The following ABCC9 variants were observed in gnomAD, a reference collection of about 807,000 sequenced individuals.
ABCC9 encodes ATP binding cassette subfamily C member 9.
A neutral mutation model predicts 188.3 loss-of-function variants in ABCC9; 95 were observed. That is an observed-to-expected ratio of 0.50 (90% CI 0.43 to 0.60). The LOEUF is 0.60. Among genes scored for constraint, ABCC9 ranks in the 20% least tolerant of loss-of-function variants. ABCC9 has a pLI of 0.00. For synonymous variants in ABCC9, 659 were observed against 652.7 expected, an observed-to-expected ratio of 1.01 and a Z score of -0.15; for missense variants, 1,102 against 1,876.3, an observed-to-expected ratio of 0.59 and a Z score of 7.62.
chr12:21,928,003 C>T (rs913929631), intron 4 of ABCC9, among the ~76,000 whole-genome samples: 1 of 151,936 alleles, frequency 6.6e-6, no homozygotes, highest in African/African-American at 2.4e-5. Flanking sequence ...GCGGATCACT[C>T]GAGGCCGGGA....
intron 14 of ABCC9, among the ~76,000 whole-genome samples, chr12:21,889,260 T>C (rs1024969866): frequency 1.3e-5 from 2 of 152,158 alleles, no homozygotes; most frequent in African/African-American, 4.8e-5. Context: ...AGAGCTTCAG[T>C]TCATACACTT....
intron 4 of ABCC9, among the ~76,000 whole-genome samples, chr12:21,928,677 A>T (rs1440860846): frequency 1.3e-5 from 2 of 152,208 alleles, no homozygotes; most frequent in Non-Finnish European, 2.9e-5. Context: ...AACCATTATT[A>T]AAGGAAGCAA....
chr12:21,865,314 T>G (rs1314783630), intron 18 of ABCC9, among the ~76,000 whole-genome samples: 1 of 152,152 alleles, frequency 6.6e-6, no homozygotes, highest in African/African-American at 2.4e-5. Flanking sequence ...TTAGAGTTAC[T>G]AAGGATCATT....
chr12:21,933,650 C>T, intron 4 of ABCC9, 132 bp downstream of exon 4: 1 of 960,996 alleles, frequency 1.0e-6, no homozygotes, highest in Non-Finnish European at 1.6e-6. Context: ...GAACTTCCTG[C>T]AAGAGCTACA....
intron 4 of ABCC9, among the ~76,000 whole-genome samples, chr12:21,928,809 AT>A (rs1240874757): frequency 6.6e-6 from 1 of 152,028 alleles, no homozygotes; most frequent in Non-Finnish European, 1.5e-5. Flanking sequence ...GATTGCTGTT[AT>A]TTTGTTAGTT....
At chr12:21,819,827 GA>G (rs1299215319) in intron 31 of ABCC9, among the ~76,000 whole-genome samples, 1 of 151,456 alleles carries the variant, frequency 6.6e-6, no homozygotes, top group Non-Finnish European at 1.5e-5. Flanking sequence ...AAGATTAAAG[GA>G]AAAAAAATCA....
chr12:21,928,835 C>G (rs554651204), intron 4 of ABCC9, among the ~76,000 whole-genome samples: 2 of 152,204 alleles, frequency 1.3e-5, no homozygotes, highest in South Asian at 4.1e-4. Context: ...ATTTACAAAG[C>G]TGCGTAGGTT....
chr12:21,897,103 T>C (rs1347742484), intron 12 of ABCC9, among the ~76,000 whole-genome samples: 1 of 152,238 alleles, frequency 6.6e-6, no homozygotes, highest in Non-Finnish European at 1.5e-5. Flanking sequence ...GACTTTTTAA[T>C]AATTGCTATT....
chr12:21,827,663 C>T (rs530689061), intron 31 of ABCC9, among the ~76,000 whole-genome samples: 2 of 151,690 alleles, frequency 1.3e-5, no homozygotes, highest in Admixed American at 1.3e-4. Flanking sequence ...GTGATAAATC[C>T]TAAGTAACAC....
At chr12:21,806,695 C>CTGAAGTCAAATT (rs1203527545) in intron 38 of ABCC9, among the ~76,000 whole-genome samples, 2 of 152,102 alleles carry the variant, frequency 1.3e-5, no homozygotes, top group Non-Finnish European at 2.9e-5. Flanking sequence ...TGTGTCCTTT[C>CTGAAGTCAAATT]TGAAGTCAAA....
chr12:21,830,598 C>G (rs1387758637), intron 30 of ABCC9, among the ~76,000 whole-genome samples: 3 of 152,088 alleles, frequency 2.0e-5, no homozygotes, highest in African/African-American at 7.2e-5. Context: ...TTCATTTGGC[C>G]CACTGAAGTA....
Position 21,872,702 on chromosome 12 carries a change from T to A in ABCC9, c.2121A>T (p.Val707=), listed in dbSNP as rs765667189. 1 of 1,613,836 alleles carries A rather than the reference T, an allele frequency of 6.2e-7. No homozygotes were observed. The highest frequency in any genetic ancestry group is 1.1e-5 in the South Asian group (1 of 91,086). ...TGQLTMIVGQ[V]GCGKSSLLLA... ...GGAGAAGAGAGGACTTCCCACATCC[T>A]ACTTGGCCCACAATCATGGTTAACT... Residue 707 remains valine (V), a synonymous_variant, in exon 18 of 40, where the codon GTA becomes GTT. Coordinates refer to ENST00000261200, the MANE Select transcript of ABCC9 (RefSeq NM_020297.4).
chr12:21,907,715 A>G (rs1948110113), intron 11 of ABCC9, among the ~76,000 whole-genome samples: 1 of 151,986 alleles, frequency 6.6e-6, no homozygotes, highest in African/African-American at 2.4e-5. Context: ...TTGACCCTTC[A>G]CTTGCACCTT....
At chr12:21,832,289 C>T (rs369794517) in intron 30 of ABCC9, among the ~76,000 whole-genome samples, 12 of 152,214 alleles carry the variant, frequency 7.9e-5, no homozygotes, top group East Asian at 7.7e-4. Flanking sequence ...ACCCTCAATG[C>T]GGGGGAGGAA....
At chr12:21,807,285 T>C (rs1591934718) in intron 38 of ABCC9, 61 bp downstream of exon 38, 1 of 1,610,172 alleles carries the variant, frequency 6.2e-7, no homozygotes, top group Admixed American at 1.7e-5. Flanking sequence ...AATAATAAAT[T>C]GTAATTTTCA....
At chr12:21,931,046 A>T (rs1278463410) in intron 4 of ABCC9, among the ~76,000 whole-genome samples, 1 of 152,204 alleles carries the variant, frequency 6.6e-6, no homozygotes, top group East Asian at 1.9e-4. Flanking sequence ...ATAGAAGCAC[A>T]TTTAAATTTA....
intron 5 of ABCC9, chr12:21,923,250 C>A (rs570621366): frequency 1.3e-5 from 2 of 151,460 alleles, no homozygotes; most frequent in South Asian, 4.2e-4. Context: ...TCTTAAGACA[C>A]AGAAAGCAGT....
intron 15 of ABCC9, among the ~76,000 whole-genome samples, chr12:21,887,043 C>T (rs1268766126): frequency 6.6e-6 from 1 of 152,038 alleles, no homozygotes; most frequent in Non-Finnish European, 1.5e-5. Context: ...CAATTCCTGC[C>T]TCAAGAAAGC....
intron 11 of ABCC9, 66 bp downstream of exon 11, chr12:21,908,011 C>T (rs1283132727): frequency 6.6e-7 from 1 of 1,507,836 alleles, no homozygotes; most frequent in Non-Finnish European, 9.1e-7. Context: ...TATTAATTTC[C>T]TATATTATAA....
Sources: gnomAD v4.1 joint callset for allele counts (sites outside exome capture counted in the v4.1 genomes callset) on GRCh38, gnomAD v4.1.1 for gene constraint, MANE v1.5 for transcripts, NCBI Gene and HGNC (gene_info 2026-07-23, HGNC 2026-07-21) for gene names.